The following CYGB variants were observed in gnomAD, a reference collection of about 807,000 sequenced individuals.
CYGB encodes the protein histoglobin.
CYGB carries 13 observed loss-of-function variants against 20.7 expected under a neutral mutation model. The ratio of observed to expected loss-of-function variants is 0.63; its 90% CI spans 0.41 to 1.00. The LOEUF (loss-of-function observed/expected upper bound fraction) is 1.00. Among genes scored for constraint, CYGB ranks in the 50% least tolerant of loss-of-function variants. CYGB has a pLI of 0.00. For synonymous variants in CYGB, 93 were observed against 107.4 expected (o/e 0.87, Z 0.83); for missense variants, 218 against 257.2 (o/e 0.85, Z 1.04).
At position 76,533,778 on chromosome 17, in the gene CYGB, G is replaced by A. The variant is rs1481348755; in HGVS notation, c.144-2087C>T. Among the ~76,000 whole-genome samples the A allele has an allele frequency of 6.6e-6, 1 of 151,594 alleles. No homozygotes were observed. The highest frequency in any genetic ancestry group is 2.4e-5 in the African/African-American group (1 of 41,194). Reference sequence around the variant, plus strand: ...AGGTCAGGTGTGGTGGCTCATGCCTGTAGAACTTTGGGAGGCCAAGGCAGG... The same window carrying A: ...AGGTCAGGTGTGGTGGCTCATGCCTATAGAACTTTGGGAGGCCAAGGCAGG... On this transcript the variant is annotated intron_variant, in intron 1 of 3. Coordinates refer to ENST00000293230, the MANE Select transcript of CYGB (RefSeq NM_134268.5). The surrounding 1 kb of genome is among the most constrained non-coding windows in gnomAD (Gnocchi z 4.5).
upstream of CYGB, chr17:76,540,666 C>CA: frequency 1.6e-6 from 2 of 1,280,342 alleles, no homozygotes; most frequent in South Asian, 1.2e-5. The surrounding 1 kb of genome is among the most constrained non-coding windows in gnomAD (Gnocchi z 5.0). Flanking sequence ...CCTGTGCGCG[C>CA]CTGTGCGTGC....
exon 1 of CYGB, chr17:76,550,903 T>C (rs1358744191): frequency 1.3e-5 from 2 of 152,270 alleles, no homozygotes; most frequent in African/African-American, 4.8e-5. Flanking sequence ...AGCACTGATT[T>C]AACGAAGTCC....
At chr17:76,540,156 T>A (rs1266824232), upstream of CYGB, 1 of 1,606,316 alleles carries the variant, frequency 6.2e-7, no homozygotes, top group Admixed American at 1.7e-5. The surrounding 1 kb of genome is among the most constrained non-coding windows in gnomAD (Gnocchi z 5.0). Context: ...GCACCACCCT[T>A]TTCCTGCTCA....
chr17:76,543,535 A>T (rs1342067720), intron 1 of CYGB: 1 of 352,290 alleles, frequency 2.8e-6, no homozygotes, highest in Non-Finnish European at 5.6e-6. Flanking sequence ...ACACAGAGAC[A>T]GGTTAAATAA....
intron 1 of CYGB, among the ~76,000 whole-genome samples, chr17:76,549,463 G>A (rs2075086643): frequency 6.6e-6 from 1 of 152,244 alleles, no homozygotes; most frequent in Non-Finnish European, 1.5e-5. Flanking sequence ...AGTGGTTACA[G>A]CTGAAGGCCG....
At chr17:76,540,643 G>T (rs970752458), upstream of CYGB, 5 of 1,440,270 alleles carry the variant, frequency 3.5e-6, no homozygotes, top group African/African-American at 1.4e-5. The surrounding 1 kb of genome is among the most constrained non-coding windows in gnomAD (Gnocchi z 5.0). Context: ...ATGCCTGGGG[G>T]TGCACGTGTG....
At position 76,531,357 on chromosome 17, in the gene CYGB, G is replaced by T. The variant is rs1598202713; in HGVS notation, c.375+103C>A. 1.8e-5 allele frequency: 26 copies of T among 1,418,072 alleles called. No homozygotes were observed. In the East Asian group the frequency reaches 5.7e-4, roughly 31 times the overall value. The allele number at this position is 1,418,072 out of a possible 1,614,324, so 87.8% of individuals were successfully genotyped here. A position where few individuals can be genotyped will look rare whatever the true frequency, so the allele number is the denominator to read the frequency against. Reference sequence around the variant, plus strand: ...GCCCCTCCCTCTCGCAGCCACTCCGGGGATCACCTCTGTTGCTCCAGAGAG... The same window carrying T: ...GCCCCTCCCTCTCGCAGCCACTCCGTGGATCACCTCTGTTGCTCCAGAGAG... On this transcript the variant is annotated intron_variant, in intron 2 of 3. Transcript: ENST00000293230. This position sits in a 1 kb window ranked among gnomAD's most constrained non-coding sequence, Gnocchi z 7.4.
intron 1 of CYGB, among the ~76,000 whole-genome samples, chr17:76,534,535 G>C (rs2074893545): frequency 6.6e-6 from 1 of 152,180 alleles, no homozygotes; most frequent in South Asian, 2.1e-4. Flanking sequence ...TTACTGATGA[G>C]GAAACAACAG....
At chr17:76,536,677 G>A (rs528388423) in intron 1 of CYGB, among the ~76,000 whole-genome samples, 3 of 152,290 alleles carry the variant, frequency 2.0e-5, no homozygotes, top group Non-Finnish European at 4.4e-5. Context: ...TGACCCCTAA[G>A]CCCAAGCCAC....
upstream of CYGB, chr17:76,540,252 G>GGGGT (rs2074972497): frequency 1.1e-6 from 1 of 922,342 alleles, no homozygotes; most frequent in South Asian, 1.7e-5. The surrounding 1 kb of genome is among the most constrained non-coding windows in gnomAD (Gnocchi z 5.0). Context: ...GCGGTTGGTC[G>GGGGT]GGGGGGGGGG....
rs1225687162 is a variant in CYGB at position 76,527,550 on chromosome 17, C to T, written c.*1028G>A. 2 of 443,928 alleles carry T rather than the reference C, an allele frequency of 4.5e-6. No homozygotes were observed. Among genetic ancestry groups the T allele is most frequent in the African/African-American group, 4.0e-5 (2 of 49,660 alleles). 27.5% of individuals were successfully genotyped at this position (443,928 alleles called of 1,614,324 possible). ...ACGACACACGTGACCAAGGGGCACA[C>T]ACGGGGGGCCCCCCTGGCAAGCCTG... On this transcript the variant is annotated 3_prime_UTR_variant, in exon 4 of 4. Coordinates refer to ENST00000293230, the MANE Select transcript of CYGB (RefSeq NM_134268.5).
chr17:76,540,509 C>T (rs2074978281), upstream of CYGB: 1 of 1,613,508 alleles, frequency 6.2e-7, no homozygotes, highest in East Asian at 2.2e-5. This position sits in a 1 kb window ranked among gnomAD's most constrained non-coding sequence, Gnocchi z 5.0. Flanking sequence ...CCACAGAGAG[C>T]CCAGCGACGT....
rs2074846530 is a variant in CYGB at position 76,531,708 on chromosome 17, G to C, written c.144-17C>G. On this transcript the variant is annotated splice_polypyrimidine_tract_variant and intron_variant, in intron 1 of 3. Transcript: ENST00000293230. The surrounding 1 kb of genome is among the most constrained non-coding windows in gnomAD (Gnocchi z 7.4). ...ACAAAGAACCTGGCAAGAGGAACAG[G>C]GGTGGTCGCTGAAGCTGGAGGCTGC... is the stretch of plus-strand genomic sequence containing the variant. 1 of 1,572,204 alleles carries C rather than the reference G, an allele frequency of 6.4e-7. No homozygotes were observed.
intron 1 of CYGB, chr17:76,543,537 G>T (rs2075016903): frequency 2.8e-6 from 1 of 353,842 alleles, no homozygotes; most frequent in Non-Finnish European, 5.6e-6. Flanking sequence ...ACAGAGACAG[G>T]TTAAATAATT....
In CYGB at chr17:76,546,425, G is replaced by C. The variant is rs1440127893; in HGVS notation, c.-53+4437C>G. The C allele has an allele frequency of 4.5e-5, 1 of 22,070 alleles. No homozygotes were observed. The highest frequency in any genetic ancestry group is 1.6e-4 in the Non-Finnish European group (1 of 6,314). 1.4% of individuals were successfully genotyped at this position (22,070 alleles called of 1,614,324 possible). A position where few individuals can be genotyped will look rare whatever the true frequency, so the allele number is the denominator to read the frequency against. ...CTTGGGGAGTACCCACCCATTCCAAGTGTGCGGTTGTGTGTGTGTGTGGTT... is the reference window on the plus strand; with the variant it reads ...CTTGGGGAGTACCCACCCATTCCAACTGTGCGGTTGTGTGTGTGTGTGGTT... On this transcript the variant is annotated intron_variant, in intron 1 of 3. Coordinates refer to the CYGB transcript ENST00000589145. This position sits in a 1 kb window ranked among gnomAD's most constrained non-coding sequence, Gnocchi z 4.5.
chr17:76,535,675 A>T (rs1338844062), intron 1 of CYGB, among the ~76,000 whole-genome samples: 1 of 152,128 alleles, frequency 6.6e-6, no homozygotes, highest in East Asian at 1.9e-4. Context: ...GGGGAACTGG[A>T]AGAGGGGTGT....
chr17:76,534,415 G>A (rs1253107098), intron 1 of CYGB, among the ~76,000 whole-genome samples: 4 of 152,186 alleles, frequency 2.6e-5, no homozygotes, highest in African/African-American at 9.7e-5. Context: ...CTGACCTCCG[G>A]TGATCTGCCT....
At chr17:76,538,882 C>A (rs1011501263), upstream of CYGB, among the ~76,000 whole-genome samples, 9 of 152,254 alleles carry the variant, frequency 5.9e-5, no homozygotes, top group Admixed American at 2.0e-4. Flanking sequence ...TGTCCCATTG[C>A]CCAAGCATTG....
chr17:76,531,873 C>T lies in CYGB; in HGVS notation c.144-182G>A, dbSNP rs944673602. 5.3e-6 allele frequency: 3 copies of T among 565,474 alleles called. No homozygotes were observed. Among genetic ancestry groups the T allele is most frequent in the Admixed American group, 3.2e-5 (1 of 30,922 alleles). The allele number at this position is 565,474 out of a possible 1,614,324, so 35.0% of individuals were successfully genotyped here. ...CCTCCTCCCTCTGGCCAAGCCGGCT[C>T]ACCCCTACCAAGTCTGGCCATGTCT... On this transcript the variant is annotated intron_variant, in intron 1 of 3. Transcript: ENST00000293230. This position sits in a 1 kb window ranked among gnomAD's most constrained non-coding sequence, Gnocchi z 7.4.
Sources: gnomAD v4.1 joint callset for allele counts (sites outside exome capture counted in the v4.1 genomes callset) on GRCh38, gnomAD v4.1.1 for gene constraint, Gnocchi (gnomAD v3.1) non-coding constraint, MANE v1.5 for transcripts, NCBI Gene and HGNC (gene_info 2026-07-23, HGNC 2026-07-21) for gene names.